Variants in PELP1 observed in about 807,000 individuals in gnomAD.
PELP1 encodes the protein proline, glutamate and leucine rich protein 1, also known as proline-, glutamic acid- and leucine-rich protein 1.
PELP1 carries 32 observed loss-of-function variants against 95.5 expected under a neutral mutation model. That is an observed-to-expected ratio of 0.34 (90% CI 0.25 to 0.45). PELP1 has a LOEUF of 0.45. PELP1 is among the 20% of genes least tolerant of loss of function. The probability of loss-of-function intolerance (pLI) is 1.00; values close to 1 mark genes in which losing one functional copy is unlikely to be tolerated. For synonymous variants in PELP1, 668 were observed against 600.1 expected, an observed-to-expected ratio of 1.11 and a Z score of -1.65; for missense variants, 1,358 against 1,444.8, an observed-to-expected ratio of 0.94 and a Z score of 0.97.
chr17:4,703,816 G>C, intron 1 of PELP1, 47 bp downstream of exon 1: 1 of 1,526,678 alleles, frequency 6.6e-7, no homozygotes, highest in Non-Finnish European at 8.9e-7. Context: ...CACAGGTGCC[G>C]CGCCATCCTC....
chr17:4,682,043 C>T (rs1314221635), intron 5 of PELP1, among the ~76,000 whole-genome samples: 1 of 151,906 alleles, frequency 6.6e-6, no homozygotes, highest in Admixed American at 6.6e-5. Context: ...CGCCTTAGTC[C>T]CAGCTACTTG....
In PELP1 at chr17:4,672,154, T is replaced by C. The variant is rs1490293879; in HGVS notation, c.2837A>G (p.Glu946Gly). The change falls in exon 16 of 17, where the codon GAA becomes GGA. Residue 946 changes from glutamate to glycine, a missense_variant. This residue lies in a region of PELP1 where 283 missense variants were observed against 284.1 expected (regional missense o/e 1.00). Transcript: ENST00000572293. ...TTCCTCCTCCTCATCCTCCTCTTCT[T>C]CTTCTTCCTCTAACTCACCTTCTTC... The part of the protein sequence containing the change: ...EEEEGELEEE[E>G]EEEDEEEEEE... The C allele has an allele frequency of 1.3e-6, 2 of 1,552,230 alleles. No individual in the cohort carries two copies. Among genetic ancestry groups the C allele is most frequent in the East Asian group, 2.4e-5 (1 of 40,960 alleles).
chr17:4,684,332 ACT>A (rs1204977064), intron 3 of PELP1, among the ~76,000 whole-genome samples: 1 of 152,108 alleles, frequency 6.6e-6, no homozygotes, highest in Non-Finnish European at 1.5e-5. Flanking sequence ...TTCTCCCACC[ACT>A]GTCACCTCTG....
In PELP1 at chr17:4,672,623, T is replaced by C. The variant is rs1270080419; in HGVS notation, c.2368A>G (p.Ile790Val). ...LESDSDDSVV[I>V]VPEGLPPLPP... Reference sequence around the variant, plus strand: ...AGGGGGGGAAGCCCCTCGGGCACGATCACCACGCTGTCATCAGAGTCACTT... The same window carrying C: ...AGGGGGGGAAGCCCCTCGGGCACGACCACCACGCTGTCATCAGAGTCACTT... The change falls in exon 16 of 17, where the codon ATC becomes GTC. Residue 790 changes from isoleucine (I) to valine (V), a missense_variant. By Grantham distance (29) the Ile-to-Val change is conservative (BLOSUM62 3). Around this residue, in one of 7 missense-constraint regions of PELP1, gnomAD observed 340 missense variants for 322.9 expected, o/e 1.05. Coordinates refer to ENST00000572293, the MANE Select transcript of PELP1 (RefSeq NM_014389.3). 1 of 1,611,034 alleles carries C rather than the reference T, an allele frequency of 6.2e-7. No individual in the cohort carries two copies. Among genetic ancestry groups the C allele is most frequent in the South Asian group, 1.1e-5 (1 of 90,956 alleles).
intron 13 of PELP1, 21 bp downstream of exon 13, chr17:4,674,489 C>T: frequency 6.2e-7 from 1 of 1,605,348 alleles, no homozygotes; most frequent in Non-Finnish European, 8.5e-7. Flanking sequence ...CCCAGTGGTC[C>T]AGGGCACAGG....
chr17:4,689,133 G>C (rs1223249335), intron 3 of PELP1, among the ~76,000 whole-genome samples: 1 of 152,190 alleles, frequency 6.6e-6, no homozygotes, highest in Non-Finnish European at 1.5e-5. Context: ...GGGATAATTG[G>C]CAAGCCACAT....
At position 4,674,559 on chromosome 17, in the gene PELP1, C is replaced by G; in HGVS notation, c.1533G>C (p.Arg511=). 1.2e-6 allele frequency: 2 copies of G among 1,613,034 alleles called. No homozygotes were observed. Among genetic ancestry groups the G allele is most frequent in the Non-Finnish European group, 1.7e-6 (2 of 1,179,566 alleles). The part of the protein sequence containing the change: ...VGEAMAPPSH[R]KGDSNANSDV... ...CGCTGTTGGCATTGCTATCCCCTTT[C>G]CGGTGGCTTGGCGGGGCCATAGCTT... Residue 511 remains arginine, a synonymous_variant, in exon 13 of 17, where the codon CGG becomes CGC. Coordinates refer to ENST00000572293, the MANE Select transcript of PELP1 (RefSeq NM_014389.3).
intron 1 of PELP1, 96 bp downstream of exon 1, chr17:4,703,767 A>G (rs1597461180): frequency 9.4e-7 from 1 of 1,066,578 alleles, no homozygotes; most frequent in Non-Finnish European, 1.3e-6. Flanking sequence ...CCTTCCTTCA[A>G]CCTCCCTATC....
rs777130720 is a variant in PELP1 at position 4,676,802 on chromosome 17, G to A, written c.653C>T (p.Ala218Val). 6.4e-7 allele frequency: 1 copy of A among 1,565,510 alleles called. No homozygotes were observed. Among genetic ancestry groups the A allele is most frequent in the Non-Finnish European group, 8.7e-7 (1 of 1,154,590 alleles). ...ATCCACCCTAGACAGAAAAAATGAG[G>A]CCAGCTTGCCCTGGATGTGGAGGAA... is the stretch of plus-strand genomic sequence containing the variant. ...RACGSLKGKL[A>V]SFFLSRVDAL... Residue 218 changes from alanine (A) to valine (V), a missense_variant, in exon 6 of 17, where the codon GCC becomes GTC. This residue lies in a region of PELP1 where 538 missense variants were observed against 628.1 expected (regional missense o/e 0.86). Transcript: ENST00000572293.
At chr17:4,692,675 A>G (rs959779734) in intron 1 of PELP1, among the ~76,000 whole-genome samples, 1 of 152,070 alleles carries the variant, frequency 6.6e-6, no homozygotes, top group Non-Finnish European at 1.5e-5. Context: ...CAAAGGGGAC[A>G]GGATTTTATT....
chr17:4,696,070 CT>C (rs1913286383), intron 1 of PELP1, among the ~76,000 whole-genome samples: 1 of 150,076 alleles, frequency 6.7e-6, no homozygotes, highest in African/African-American at 2.4e-5. Context: ...GGGCTCATGA[CT>C]GTAATCCCAA....
intron 3 of PELP1, among the ~76,000 whole-genome samples, chr17:4,686,480 C>A (rs899106336): frequency 2.0e-5 from 3 of 152,178 alleles, no homozygotes; most frequent in African/African-American, 4.8e-5. Flanking sequence ...CTGTTCCTTT[C>A]TAATCCATTA....
At chr17:4,681,192 A>G (rs1177657555) in intron 5 of PELP1, among the ~76,000 whole-genome samples, 1 of 152,170 alleles carries the variant, frequency 6.6e-6, no homozygotes, top group Non-Finnish European at 1.5e-5. Context: ...CTTCAAGAAT[A>G]AAGTAAAGGC....
rs761385672 is a variant in PELP1 at position 4,672,113 on chromosome 17, C to A, written c.2878G>T (p.Val960Leu). 1 of 1,553,522 alleles carries A rather than the reference C, an allele frequency of 6.4e-7. No individual in the cohort carries two copies. Among genetic ancestry groups the A allele is most frequent in the Non-Finnish European group, 8.7e-7 (1 of 1,147,972 alleles). Residue 960 changes from valine (V) to leucine (L), a missense_variant, in exon 16 of 17, where the codon GTG becomes TTG. By Grantham distance (32) the Val-to-Leu change is conservative. Transcript: ENST00000572293. ...DEEEEEELEE[V>L]EDLEFGTAGG... ...GCTGTGCCAAACTCCAGGTCTTCCACCTCTTCCAGTTCTTCTTCCTCCTCC... is the reference window on the plus strand; with the variant it reads ...GCTGTGCCAAACTCCAGGTCTTCCAACTCTTCCAGTTCTTCTTCCTCCTCC...
chr17:4,683,500 T>C (rs1455200720), intron 3 of PELP1, among the ~76,000 whole-genome samples: 4 of 140,486 alleles, frequency 2.8e-5, no homozygotes, highest in Admixed American at 7.5e-5. Flanking sequence ...ATTACAGGTG[T>C]GAGCCATCAC....
At position 4,670,893 on chromosome 17, in the gene PELP1, C is replaced by T. The variant is rs932007811; in HGVS notation, c.*546G>A. ...TTCCCAACGTACCCACTACGGACAC[C>T]CTTTCATCTTGGGGTAAGGTCCAAA... On this transcript the variant is annotated 3_prime_UTR_variant, in exon 17 of 17. Coordinates refer to ENST00000572293, the MANE Select transcript of PELP1 (RefSeq NM_014389.3). 1 of 156,388 alleles carries T rather than the reference C, an allele frequency of 6.4e-6. No homozygotes were observed. The highest frequency in any genetic ancestry group is 1.4e-5 in the Non-Finnish European group (1 of 71,142). 9.7% of individuals were successfully genotyped at this position (156,388 alleles called of 1,614,324 possible).
At chr17:4,683,797 TAGGATTAC>T (rs1003277997) in intron 3 of PELP1, among the ~76,000 whole-genome samples, 8 of 147,876 alleles carry the variant, frequency 5.4e-5, no homozygotes, top group Non-Finnish European at 1.2e-4. Context: ...TCCAAAGTGC[TAGGATTAC>T]AGGCGTGAGC....
intron 3 of PELP1, among the ~76,000 whole-genome samples, chr17:4,689,379 T>C (rs913671637): frequency 6.6e-6 from 1 of 151,874 alleles, no homozygotes; most frequent in East Asian, 1.9e-4. Context: ...AAATAATCAG[T>C]AAACAACCCA....
intron 1 of PELP1, 131 bp downstream of exon 1, chr17:4,703,731 TG>T: frequency 2.7e-6 from 2 of 732,564 alleles, no homozygotes; most frequent in Non-Finnish European, 2.2e-6. Flanking sequence ...GACTGATACC[TG>T]GATCCCCTTT....
Sources: gnomAD v4.1 joint callset for allele counts (sites outside exome capture counted in the v4.1 genomes callset) on GRCh38, gnomAD v4.1.1 for gene constraint, gnomAD v4.1.1 regional missense constraint, MANE v1.5 for transcripts, NCBI Gene and HGNC (gene_info 2026-07-23, HGNC 2026-07-21) for gene names.